XYLT1: variants seen among roughly 807,000 people sequenced by gnomAD.
XYLT1 encodes xylosyltransferase 1, also known as beta-D-xylosyltransferase 1.
In XYLT1, 36 loss-of-function variants were observed where a neutral mutation model predicts 91.3. The observed-to-expected ratio is 0.39, with a 90% CI of 0.30 to 0.52. The LOEUF is 0.52. Among genes scored for constraint, XYLT1 ranks in the 20% least tolerant of loss-of-function variants. The pLI is 0.68. For missense variants in XYLT1, 1,242 were observed against 1,284.5 expected (o/e 0.97, Z 0.51); for synonymous variants, 588 against 532.0 (o/e 1.11, Z -1.45).
chr16:17,357,631 A>G (rs2035320330), intron 2 of XYLT1, among the ~76,000 whole-genome samples: 1 of 152,232 alleles, frequency 6.6e-6, no homozygotes, highest in South Asian at 2.1e-4. Context: ...AAGTCCTCCA[A>G]GTTCAGGCAT....
chr16:17,309,177 C>T (rs879732294), intron 2 of XYLT1, among the ~76,000 whole-genome samples: 1 of 152,008 alleles, frequency 6.6e-6, no homozygotes, highest in South Asian at 2.1e-4. Context: ...TGGATCATTC[C>T]GTCTTGGGTG....
At chr16:17,299,404 C>A (rs1366520669) in intron 2 of XYLT1, among the ~76,000 whole-genome samples, 1 of 152,054 alleles carries the variant, frequency 6.6e-6, no homozygotes, top group African/African-American at 2.4e-5. Flanking sequence ...TACCATGCAG[C>A]CCTCTCCATC....
chr16:17,127,473 C>A (rs931253969), intron 10 of XYLT1, among the ~76,000 whole-genome samples, 193 bp downstream of exon 10: 7 of 152,148 alleles, frequency 4.6e-5, no homozygotes, highest in Non-Finnish European at 8.8e-5. Context: ...TTGGTTTGAT[C>A]CTCCCCTGTT....
intron 2 of XYLT1, among the ~76,000 whole-genome samples, chr16:17,274,534 A>G (rs1186751063): frequency 1.3e-5 from 2 of 152,128 alleles, no homozygotes; most frequent in East Asian, 3.9e-4. Context: ...AAAAGAGAGG[A>G]AAGTAAGTAT....
intron 3 of XYLT1, among the ~76,000 whole-genome samples, chr16:17,210,210 T>G (rs1203732322): frequency 2.6e-5 from 4 of 152,114 alleles, no homozygotes; most frequent in African/African-American, 9.7e-5. Context: ...TTAGAAAAAT[T>G]ATCTGTAGGC....
intron 6 of XYLT1, among the ~76,000 whole-genome samples, chr16:17,148,474 A>G (rs1269584225): frequency 6.6e-6 from 1 of 152,242 alleles, no homozygotes; most frequent in Non-Finnish European, 1.5e-5. Flanking sequence ...TACTGCTTAC[A>G]TCAGTGCCTA....
intron 1 of XYLT1, among the ~76,000 whole-genome samples, chr16:17,373,327 C>T (rs1343311789): frequency 6.6e-6 from 1 of 152,138 alleles, no homozygotes; most frequent in Admixed American, 6.5e-5. Context: ...TCATCAGGCA[C>T]CTACTATGTG....
rs926464005 is a variant in XYLT1, at chr16:17,103,251, G to A, written c.*5444C>T. The A allele has an allele frequency of 2.6e-5, 4 of 152,622 alleles. No individual in the cohort carries two copies. Among genetic ancestry groups the A allele is most frequent in the African/African-American group, 4.8e-5 (2 of 41,442 alleles). The allele number at this position is 152,622 out of a possible 1,614,324, so 9.5% of individuals were successfully genotyped here. ...TCACCCAGTCTTGGGGGCAGGGGAG[G>A]TCTGCAAAGCCTTTTCAAGCACTCT... On this transcript the variant is annotated 3_prime_UTR_variant, in exon 12 of 12. Coordinates refer to ENST00000261381, the MANE Select transcript of XYLT1 (RefSeq NM_022166.4).
At chr16:17,159,967 GA>G (rs2031507447) in intron 5 of XYLT1, among the ~76,000 whole-genome samples, 1 of 152,224 alleles carries the variant, frequency 6.6e-6, no homozygotes, top group Non-Finnish European at 1.5e-5. Context: ...TACTTCAAAG[GA>G]AAGCGTTAAC....
intron 1 of XYLT1, among the ~76,000 whole-genome samples, chr16:17,375,652 A>G (rs2035589924): frequency 6.6e-6 from 1 of 152,210 alleles, no homozygotes; most frequent in East Asian, 1.9e-4. Context: ...AAGGCTGGTC[A>G]AGTTCGGTGC....
Position 17,389,983 on chromosome 16 carries a change from A to AT in XYLT1, c.364-31934_364-31933insA, listed in dbSNP as rs1478401131. On this transcript the variant is annotated intron_variant, in intron 1 of 11. Transcript: ENST00000261381. ...CTGCAGGATTCAGGTCGTGCCCTGTACCTGCTTTAGTTACCACTCCTCATT... is the reference window on the plus strand; with the variant it reads ...CTGCAGGATTCAGGTCGTGCCCTGTATCCTGCTTTAGTTACCACTCCTCATT... Among the ~76,000 whole-genome samples the AT allele has an allele frequency of 3.3e-5, 5 of 152,266 alleles. No homozygotes were observed. In the East Asian group the frequency reaches 9.7e-4, roughly 29 times the overall value.
At chr16:17,410,405 A>C (rs571146957) in intron 1 of XYLT1, among the ~76,000 whole-genome samples, 2 of 152,290 alleles carry the variant, frequency 1.3e-5, no homozygotes, top group East Asian at 3.9e-4. Flanking sequence ...GAAGATGAAA[A>C]GCACATCTCA....
chr16:17,229,952 G>A (rs1461611916), intron 3 of XYLT1, among the ~76,000 whole-genome samples: 2 of 152,186 alleles, frequency 1.3e-5, no homozygotes, highest in Non-Finnish European at 2.9e-5. Flanking sequence ...AAGGCCATGT[G>A]AAGACATGCA....
In XYLT1 at chr16:17,431,270, C is replaced by T. The variant is rs548293185; in HGVS notation, c.363+39164G>A. ...TTTGCTGACCTATGGCTTAGAGCGG[C>T]GCTTCTCAAACTTCACGTGCACATC... On this transcript the variant is annotated intron_variant, in intron 1 of 11. Coordinates refer to ENST00000261381, the MANE Select transcript of XYLT1 (RefSeq NM_022166.4). Among the ~76,000 whole-genome samples, 10 of 152,272 alleles carry T rather than the reference C, an allele frequency of 6.6e-5. No individual in the cohort carries two copies. In the South Asian group the frequency reaches 1.0e-3, roughly 16 times the overall value.
In XYLT1 at chr16:17,106,080, A is replaced by C. The variant is rs1966769807; in HGVS notation, c.*2615T>G. On this transcript the variant is annotated 3_prime_UTR_variant, in exon 12 of 12. Coordinates refer to ENST00000261381, the MANE Select transcript of XYLT1 (RefSeq NM_022166.4). Reference sequence around the variant, plus strand: ...AGGAAGAAATGAAGCCATGGGAAAAAGGGAAGGGTCCCCAGAGTCAGCCAG... The same window carrying C: ...AGGAAGAAATGAAGCCATGGGAAAACGGGAAGGGTCCCCAGAGTCAGCCAG... 6.6e-6 allele frequency: 1 copy of C among 152,224 alleles called. No individual in the cohort carries two copies. The highest frequency in any genetic ancestry group is 6.5e-5 in the Admixed American group (1 of 15,282). The allele number at this position is 152,224 out of a possible 1,614,324, so 9.4% of individuals were successfully genotyped here. A position where few individuals can be genotyped will look rare whatever the true frequency, so the allele number is the denominator to read the frequency against.
intron 1 of XYLT1, among the ~76,000 whole-genome samples, chr16:17,425,752 G>A (rs994070942): frequency 2.0e-5 from 3 of 151,836 alleles, no homozygotes; most frequent in Admixed American, 6.6e-5. Context: ...TCCTGCCTCC[G>A]TGCCTTGCCC....
chr16:17,113,924 C>G (rs1004442346), intron 11 of XYLT1, among the ~76,000 whole-genome samples: 4 of 152,086 alleles, frequency 2.6e-5, no homozygotes, highest in Admixed American at 6.5e-5. Context: ...GCCATGGGGA[C>G]AGACTCATCC....
intron 1 of XYLT1, among the ~76,000 whole-genome samples, chr16:17,381,239 T>C (rs1365586974): frequency 1.3e-5 from 2 of 152,158 alleles, no homozygotes; most frequent in Non-Finnish European, 2.9e-5. Flanking sequence ...ATGTTCATTA[T>C]ATCCAATAAT....
At position 17,104,376 on chromosome 16, in the gene XYLT1, C is replaced by G. The variant is rs1435756977; in HGVS notation, c.*4319G>C. 6.6e-6 allele frequency: 1 copy of G among 152,248 alleles called. No homozygotes were observed. Among genetic ancestry groups the G allele is most frequent in the African/African-American group, 2.4e-5 (1 of 41,456 alleles). 9.4% of individuals were successfully genotyped at this position (152,248 alleles called of 1,614,324 possible). ...GATCTCCAGATTCTATTCCTTCTTC[C>G]CTTCAGCACAATCTTGGGACCAGGA... is the stretch of plus-strand genomic sequence containing the variant. On this transcript the variant is annotated 3_prime_UTR_variant, in exon 12 of 12. Coordinates refer to ENST00000261381, the MANE Select transcript of XYLT1 (RefSeq NM_022166.4).
Sources: allele counts gnomAD v4.1 joint callset (sites outside exome capture counted in the v4.1 genomes callset), GRCh38; gene constraint gnomAD v4.1.1; transcripts MANE v1.5; gene names NCBI Gene and HGNC (gene_info 2026-07-23, HGNC 2026-07-21).